The following SLC25A13 variants were observed in gnomAD, a reference collection of about 807,000 sequenced individuals.
SLC25A13 encodes electrogenic aspartate/glutamate antiporter SLC25A13, mitochondrial.
SLC25A13 carries 70 observed loss-of-function variants against 85.5 expected under a neutral mutation model. That is an observed-to-expected ratio of 0.82 (90% CI 0.68 to 1.00). The LOEUF is 1.00. Among genes scored for constraint, SLC25A13 ranks in the 50% least tolerant of loss-of-function variants. The probability of loss-of-function intolerance (pLI) is 0.00; values close to 1 mark genes in which losing one functional copy is unlikely to be tolerated. For synonymous variants in SLC25A13, 259 were observed against 288.7 expected, an observed-to-expected ratio of 0.90 and a Z score of 1.04; for missense variants, 765 against 819.8, an observed-to-expected ratio of 0.93 and a Z score of 0.82.
intron 11 of SLC25A13, 73 bp from the exon 12 acceptor site, chr7:96,171,597 G>C (rs931225389): frequency 5.3e-6 from 7 of 1,323,940 alleles, no homozygotes; most frequent in African/African-American, 1.5e-5. Flanking sequence ...GTTCTACAGA[G>C]GGGATTACCA....
chr7:96,253,931 A>C (rs952211106), intron 3 of SLC25A13, among the ~76,000 whole-genome samples: 1 of 152,234 alleles, frequency 6.6e-6, no homozygotes, highest in African/African-American at 2.4e-5. Context: ...AGCCATAAAA[A>C]GGAATGAGGA....
chr7:96,206,968 G>A (rs1362068773), intron 5 of SLC25A13, among the ~76,000 whole-genome samples: 1 of 152,118 alleles, frequency 6.6e-6, no homozygotes, highest in Non-Finnish European at 1.5e-5. Context: ...AAGTCAATTT[G>A]AGGCATTTGT....
Position 96,138,714 on chromosome 7 carries a change from C to T in SLC25A13, c.1453-6833G>A, listed in dbSNP as rs140452144. On this transcript the variant is annotated intron_variant, in intron 14 of 17. Coordinates refer to ENST00000265631, the MANE Select transcript of SLC25A13 (RefSeq NM_014251.3). ...TCATTTTTAAGGCAATGATACTGTACACATCTTTGGTACTCTAGCATCTAA... is the reference window on the plus strand; with the variant it reads ...TCATTTTTAAGGCAATGATACTGTATACATCTTTGGTACTCTAGCATCTAA... 1.9e-4 allele frequency among the ~76,000 whole-genome samples: 29 copies of T among 152,236 alleles called. No homozygotes were observed. The East Asian group carries it at 5.0e-3, about 26-fold the overall frequency.
intron 4 of SLC25A13, among the ~76,000 whole-genome samples, chr7:96,220,101 G>T (rs978308832): frequency 6.6e-6 from 1 of 152,142 alleles, no homozygotes; most frequent in African/African-American, 2.4e-5. Flanking sequence ...ATCATCTGCT[G>T]TGTGTTAATT....
chr7:96,295,435 T>G (rs1054225550), intron 2 of SLC25A13, among the ~76,000 whole-genome samples: 23 of 152,300 alleles, frequency 1.5e-4, no homozygotes, highest in African/African-American at 3.9e-4. Context: ...CATTTCCCAA[T>G]TTCAAAAGTT....
Position 96,191,099 on chromosome 7 carries a change from T to G in SLC25A13, c.754+10A>C. 1 of 1,613,914 alleles carries G rather than the reference T, an allele frequency of 6.2e-7. No homozygotes were observed. Among genetic ancestry groups the G allele is most frequent in the Non-Finnish European group, 8.5e-7 (1 of 1,179,974 alleles). On this transcript the variant is annotated intron_variant, in intron 7 of 17. Transcript: ENST00000265631. Reference sequence around the variant, plus strand: ...CTTGCAGGCTAGAATTCAGATATATTCTCACTCACCCTTAGTCACTTCAAC... The same window carrying G: ...CTTGCAGGCTAGAATTCAGATATATGCTCACTCACCCTTAGTCACTTCAAC...
At chr7:96,318,944 C>G (rs1360996206) in intron 1 of SLC25A13, among the ~76,000 whole-genome samples, 1 of 152,158 alleles carries the variant, frequency 6.6e-6, no homozygotes, top group Non-Finnish European at 1.5e-5. Context: ...GCCAACCCTA[C>G]CCCTATGGCT....
At chr7:96,125,002 T>C (rs1387423759) in intron 15 of SLC25A13, among the ~76,000 whole-genome samples, 1 of 152,200 alleles carries the variant, frequency 6.6e-6, no homozygotes, top group African/African-American at 2.4e-5. Context: ...CTTGCATGAA[T>C]ACATATACCA....
At chr7:96,285,476 G>A (rs1338939519) in intron 2 of SLC25A13, among the ~76,000 whole-genome samples, 1 of 152,134 alleles carries the variant, frequency 6.6e-6, no homozygotes, top group African/African-American at 2.4e-5. Context: ...ACCTGCAGAG[G>A]TTGTTTTCTC....
At chr7:96,248,313 G>A (rs1450110284) in intron 3 of SLC25A13, among the ~76,000 whole-genome samples, 4 of 152,154 alleles carry the variant, frequency 2.6e-5, no homozygotes, top group Non-Finnish European at 5.9e-5. Context: ...TAGTATAGGA[G>A]AAGGGTAGAT....
chr7:96,311,366 A>G (rs1799941625), intron 1 of SLC25A13, among the ~76,000 whole-genome samples: 1 of 152,230 alleles, frequency 6.6e-6, no homozygotes, highest in African/African-American at 2.4e-5. Context: ...TATTCTAGCC[A>G]AAACCAAAAA....
intron 13 of SLC25A13, among the ~76,000 whole-genome samples, chr7:96,159,633 T>C (rs939671584): frequency 2.6e-5 from 4 of 152,184 alleles, no homozygotes; most frequent in Non-Finnish European, 5.9e-5. Context: ...ACCAAACGAA[T>C]ACACTAAGTT....
At chr7:96,268,264 GGAA>G (rs1798110058) in intron 3 of SLC25A13, among the ~76,000 whole-genome samples, 2 of 152,154 alleles carry the variant, frequency 1.3e-5, no homozygotes, top group Non-Finnish European at 2.9e-5. Context: ...AAAGATCAAA[GGAA>G]GAATTTTCAC....
intron 1 of SLC25A13, among the ~76,000 whole-genome samples, chr7:96,298,418 A>G (rs1799429640): frequency 6.6e-6 from 1 of 152,116 alleles, no homozygotes. Context: ...AAGGCTATTC[A>G]TAAGAATTTG....
intron 3 of SLC25A13, among the ~76,000 whole-genome samples, chr7:96,246,837 A>C (rs1397910480): frequency 1.3e-5 from 2 of 152,250 alleles, no homozygotes; most frequent in African/African-American, 4.8e-5. Flanking sequence ...GGCTTGAGCC[A>C]GAATATCACA....
At chr7:96,141,562 T>G (rs1234793563) in intron 14 of SLC25A13, among the ~76,000 whole-genome samples, 3 of 152,172 alleles carry the variant, frequency 2.0e-5, no homozygotes, top group Non-Finnish European at 2.9e-5. Context: ...TGAAGAGGCT[T>G]TCACAGATGC....
At chr7:96,273,573 C>T (rs184162998) in intron 3 of SLC25A13, among the ~76,000 whole-genome samples, 2 of 152,188 alleles carry the variant, frequency 1.3e-5, no homozygotes, top group East Asian at 3.9e-4. Flanking sequence ...TTAAGTGTTC[C>T]AACCATAAAA....
At chr7:96,152,465 G>T (rs1021051684) in intron 13 of SLC25A13, among the ~76,000 whole-genome samples, 13 of 152,180 alleles carry the variant, frequency 8.5e-5, no homozygotes, top group African/African-American at 2.9e-4. Context: ...GAGGTGGCTG[G>T]GTAATGGATG....
At position 96,132,010 on chromosome 7, in the gene SLC25A13, G is replaced by C; in HGVS notation, c.1453-129C>G. On this transcript the variant is annotated intron_variant, in intron 14 of 17. Coordinates refer to ENST00000265631, the MANE Select transcript of SLC25A13 (RefSeq NM_014251.3). ...CCAAATTTGTACTCACACATTGAAA[G>C]GGGAACAGAAAAAAATAACCCAAAT... 5.1e-6 allele frequency: 6 copies of C among 1,173,518 alleles called. No individual in the cohort carries two copies. The Admixed American group carries it at 6.1e-5, about 12-fold the overall frequency. 72.7% of individuals were successfully genotyped at this position (1,173,518 alleles called of 1,614,324 possible).
Sources: gnomAD v4.1 joint callset for allele counts (sites outside exome capture counted in the v4.1 genomes callset) on GRCh38, gnomAD v4.1.1 for gene constraint, MANE v1.5 for transcripts, NCBI Gene and HGNC (gene_info 2026-07-23, HGNC 2026-07-21) for gene names.